Variants in CNTNAP2 observed in about 807,000 individuals in gnomAD.
The protein encoded by CNTNAP2 is contactin-associated protein-like 2.
CNTNAP2 carries 98 observed loss-of-function variants against 155.2 expected under a neutral mutation model. The ratio of observed to expected loss-of-function variants is 0.63; its 90% confidence interval spans 0.54 to 0.75. The LOEUF (loss-of-function observed/expected upper bound fraction) is 0.75, where lower values mean the gene tolerates loss of function less well. Ranked by LOEUF, CNTNAP2 falls within the 30% of genes least tolerant of loss-of-function variation. CNTNAP2 has a pLI of 0.00. For missense variants in CNTNAP2, 1,727 were observed against 1,688.1 expected (o/e 1.02, Z -0.40); for synonymous variants, 651 against 631.2 (o/e 1.03, Z -0.47).
intron 21 of CNTNAP2, among the ~76,000 whole-genome samples, chr7:148,284,687 C>A (rs1194652798): frequency 6.6e-6 from 1 of 151,648 alleles, no homozygotes; most frequent in African/African-American, 2.4e-5. Context: ...TCTTAAGGTC[C>A]GTGGAAGGGG....
intron 8 of CNTNAP2, among the ~76,000 whole-genome samples, chr7:147,201,741 G>T (rs372547952): frequency 6.6e-6 from 1 of 152,132 alleles, no homozygotes; most frequent in Admixed American, 6.5e-5. Context: ...AATCAGTGCA[G>T]GGCAAAATGT....
intron 2 of CNTNAP2, among the ~76,000 whole-genome samples, chr7:146,823,869 CAT>C (rs890262639): frequency 6.6e-6 from 1 of 151,790 alleles, no homozygotes; most frequent in African/African-American, 2.4e-5. Context: ...GTCACACAGA[CAT>C]ATATTTTTTT....
At chr7:148,025,919 C>T (rs1044869859) in intron 15 of CNTNAP2, among the ~76,000 whole-genome samples, 1 of 152,052 alleles carries the variant, frequency 6.6e-6, no homozygotes, top group Non-Finnish European at 1.5e-5. Flanking sequence ...GCTATATGAC[C>T]GATTCTAATG....
intron 1 of CNTNAP2, among the ~76,000 whole-genome samples, chr7:146,473,633 T>C (rs1430569719): frequency 1.3e-5 from 2 of 152,212 alleles, no homozygotes; most frequent in African/African-American, 4.8e-5. Flanking sequence ...ATTTAAACTA[T>C]TTTTATCACA....
intron 1 of CNTNAP2, among the ~76,000 whole-genome samples, chr7:146,352,745 A>ATTTTTTTTTTTTTTTT (rs1794933581): frequency 2.4e-5 from 2 of 81,980 alleles, no homozygotes; most frequent in Admixed American, 1.4e-4. Flanking sequence ...AATTAGCATA[A>ATTTTTTTTTTTTTTTT]TTCTGTTTTT....
intron 14 of CNTNAP2, among the ~76,000 whole-genome samples, chr7:147,925,757 G>A (rs966636769): frequency 3.9e-5 from 6 of 152,146 alleles, no homozygotes; most frequent in African/African-American, 7.2e-5. Context: ...CACCACGCCC[G>A]GCCATTCTGT....
At chr7:147,253,798 A>G (rs1028508226) in intron 8 of CNTNAP2, among the ~76,000 whole-genome samples, 2 of 152,180 alleles carry the variant, frequency 1.3e-5, no homozygotes, top group African/African-American at 2.4e-5. Context: ...AGTGGTCTCT[A>G]GGTACCACTG....
At chr7:147,705,261 T>A (rs965881014) in intron 13 of CNTNAP2, among the ~76,000 whole-genome samples, 1 of 152,196 alleles carries the variant, frequency 6.6e-6, no homozygotes, top group African/African-American at 2.4e-5. Flanking sequence ...GACTTGCATT[T>A]GTTTCAAGAT....
chr7:146,763,755 T>G (rs1473032023), intron 1 of CNTNAP2, among the ~76,000 whole-genome samples: 1 of 152,218 alleles, frequency 6.6e-6, no homozygotes. Context: ...TAAATATCTA[T>G]TTCATAAAAT....
At chr7:147,898,558 C>CT (rs1799809642) in intron 13 of CNTNAP2, among the ~76,000 whole-genome samples, 1 of 151,844 alleles carries the variant, frequency 6.6e-6, no homozygotes, top group Non-Finnish European at 1.5e-5. Context: ...GAGTCTCACT[C>CT]TATCAGGTTG....
intron 3 of CNTNAP2, among the ~76,000 whole-genome samples, chr7:146,985,308 AT>A (rs71165057): frequency 0.013 from 1,662 of 127,330 alleles, 35 homozygotes; most frequent in African/African-American, 0.046. Flanking sequence ...AAATGCTTGA[AT>A]TTTTTTTTTT....
At chr7:147,189,901 C>T (rs951094273) in intron 8 of CNTNAP2, among the ~76,000 whole-genome samples, 19 of 152,002 alleles carry the variant, frequency 1.2e-4, no homozygotes, top group Non-Finnish European at 2.2e-4. Context: ...CCCGCCACCA[C>T]GCCCGGCTAA....
chr7:146,172,532 C>T (rs894473674), intron 1 of CNTNAP2, among the ~76,000 whole-genome samples: 1 of 152,004 alleles, frequency 6.6e-6, no homozygotes, highest in Non-Finnish European at 1.5e-5. Flanking sequence ...ATTTTTCTCT[C>T]CTCTTTCTTG....
At chr7:146,473,442 T>TA (rs1215410505) in intron 1 of CNTNAP2, among the ~76,000 whole-genome samples, 1 of 152,134 alleles carries the variant, frequency 6.6e-6, no homozygotes, top group Non-Finnish European at 1.5e-5. Flanking sequence ...CTTTCTACTA[T>TA]AAAAACTTCA....
chr7:148,349,352 A>T (rs1798377884), intron 21 of CNTNAP2, among the ~76,000 whole-genome samples: 1 of 151,816 alleles, frequency 6.6e-6, no homozygotes, highest in Non-Finnish European at 1.5e-5. Context: ...CACACGTAAA[A>T]CACACTAACA....
Position 146,851,650 on chromosome 7 carries a change from CTGTGTGTGTGTG to C in CNTNAP2, c.402+11786_402+11797del, listed in dbSNP as rs71165041. The stretch of plus-strand genomic sequence containing the variant: ...TGTGTTGCTTTATATCATCTTTCTT[CTGTGTGTGTGTG>C]TGTGTGTGTGTGTGTGTGTGTGTGT... On this transcript the variant is annotated intron_variant, in intron 3 of 23. Coordinates refer to ENST00000361727, the MANE Select transcript of CNTNAP2 (RefSeq NM_014141.6). Among the ~76,000 whole-genome samples the C allele has an allele frequency of 4.5e-3, 598 of 133,112 alleles. 2 individuals carry two copies. Among genetic ancestry groups the C allele is most frequent in the South Asian group, 0.032 (115 of 3,570 alleles). The allele number at this position is 133,112 out of a possible 152,430, so 87.3% of individuals were successfully genotyped here. A position where few individuals can be genotyped will look rare whatever the true frequency, so the allele number is the denominator to read the frequency against.
chr7:146,855,807 GTATATATATATATATATATA>G (rs367900395), intron 3 of CNTNAP2, among the ~76,000 whole-genome samples: 35,515 of 111,616 alleles, frequency 0.32, 5,212 homozygotes, highest in Admixed American at 0.43. Flanking sequence ...GTGTTAATGA[GTATATATATATATATATATA>G]TATATATATA....
chr7:146,426,592 G>A (rs1796095227), intron 1 of CNTNAP2, among the ~76,000 whole-genome samples: 1 of 144,918 alleles, frequency 6.9e-6, no homozygotes, highest in Non-Finnish European at 1.5e-5. Flanking sequence ...TAAGCCAAAA[G>A]TATTACAGTG....
At chr7:146,977,759 T>C (rs1524340) in intron 3 of CNTNAP2, among the ~76,000 whole-genome samples, 1 of 152,072 alleles carries the variant, frequency 6.6e-6, no homozygotes, top group Admixed American at 6.5e-5. Context: ...AACTGAAAAC[T>C]GCAATTGTCA....
Sources: gnomAD v4.1 joint callset for allele counts (sites outside exome capture counted in the v4.1 genomes callset) on GRCh38, gnomAD v4.1.1 for gene constraint, MANE v1.5 for transcripts, NCBI Gene and HGNC (gene_info 2026-07-23, HGNC 2026-07-21) for gene names.